The following CD8B2 variants were observed in gnomAD, a reference collection of about 807,000 sequenced individuals.
The protein encoded by CD8B2 is CD8B family member 2, also known as T-cell surface glycoprotein CD8 beta-2 chain.
In CD8B2, 11 loss-of-function variants were observed where a neutral mutation model predicts 23.7. The observed-to-expected ratio is 0.46, with a 90% CI of 0.29 to 0.77. CD8B2 has a LOEUF of 0.77. CD8B2 is among the 30% of genes least tolerant of loss of function. CD8B2 has a pLI of 0.09. For missense variants in CD8B2, 197 were observed against 270.5 expected (o/e 0.73, Z 1.91); for synonymous variants, 90 against 109.3 (o/e 0.82, Z 1.10).
intron 5 of CD8B2, among the ~76,000 whole-genome samples, chr2:106,528,020 C>T (rs919740423): frequency 2.0e-5 from 3 of 152,182 alleles, no homozygotes; most frequent in Admixed American, 6.5e-5. Context: ...GCTCAAGGAC[C>T]GCTAAACGTG....
At chr2:106,498,716 T>C (rs577177881) in intron 3 of CD8B2, among the ~76,000 whole-genome samples, 1 of 152,254 alleles carries the variant, frequency 6.6e-6, no homozygotes, top group South Asian at 2.1e-4. Flanking sequence ...TGATTCAGCC[T>C]CTGTGAACCT....
chr2:106,544,051 C>T (rs989254644), exon 6 of CD8B2: 3 of 398,558 alleles, frequency 7.5e-6, no homozygotes, highest in African/African-American at 4.1e-5. Flanking sequence ...GGGACTGGGA[C>T]TGCCTGATCC....
At chr2:106,517,874 G>A (rs529908774) in intron 5 of CD8B2, among the ~76,000 whole-genome samples, 16 of 152,080 alleles carry the variant, frequency 1.1e-4, no homozygotes, top group Non-Finnish European at 2.1e-4. Flanking sequence ...CACAACGCCC[G>A]GCTAATTTTT....
rs533771671 is a variant in CD8B2, at chr2:106,538,615, G to A, written c.621-5377G>A. 2.0e-5 allele frequency among the ~76,000 whole-genome samples: 3 copies of A among 152,208 alleles called. No homozygotes were observed. In the South Asian group the frequency reaches 6.2e-4, roughly 32 times the overall value. On this transcript the variant is annotated intron_variant, in intron 5 of 5. Transcript: ENST00000416057. ...AGCAGTGTCCTGAGTAGGAATTCCT[G>A]TCTGTAACACCCTTCCCCACCTCCT...
In CD8B2 at chr2:106,504,297, A is replaced by C; in HGVS notation, c.592A>C (p.Arg198=). ...TTGCTTTCCTCTTCCAGGCCGGCGG[A>C]GGAGAGCCCGGCTTCGTTTCATGAA... is the stretch of plus-strand genomic sequence containing the variant. ...GVAMHLCCRR[R]RARLRFMKQF... Residue 198 remains arginine, a synonymous_variant, in exon 5 of 6, where the codon AGG becomes CGG. Transcript: ENST00000643224. 1.9e-6 allele frequency: 3 copies of C among 1,555,678 alleles called. No homozygotes were observed. The South Asian group carries it at 3.6e-5, about 18-fold the overall frequency.
intron 3 of CD8B2, among the ~76,000 whole-genome samples, chr2:106,498,805 C>T (rs748584044): frequency 6.6e-6 from 1 of 152,118 alleles, no homozygotes; most frequent in Non-Finnish European, 1.5e-5. Context: ...GCTTGTGGGG[C>T]GTCCACACAG....
intron 5 of CD8B2, chr2:106,537,952 G>C (rs1680114775): frequency 6.6e-6 from 1 of 152,196 alleles, no homozygotes; most frequent in South Asian, 2.1e-4. Context: ...TAAATGAGAA[G>C]TCTCTGTGAG....
At chr2:106,537,329 AC>A (rs1283019713) in intron 5 of CD8B2, among the ~76,000 whole-genome samples, 1 of 152,144 alleles carries the variant, frequency 6.6e-6, no homozygotes, top group African/African-American at 2.4e-5. Flanking sequence ...CTAAACTTGC[AC>A]TTCCCTAGTA....
chr2:106,517,064 G>A (rs1418800703), intron 5 of CD8B2, among the ~76,000 whole-genome samples: 3 of 147,696 alleles, frequency 2.0e-5, no homozygotes, highest in African/African-American at 5.0e-5. Flanking sequence ...TTATATTATC[G>A]ATTTCATTAA....
chr2:106,524,848 C>A (rs1679886531), intron 5 of CD8B2, among the ~76,000 whole-genome samples: 1 of 152,150 alleles, frequency 6.6e-6, no homozygotes, highest in Non-Finnish European at 1.5e-5. Flanking sequence ...AAACTGGGTG[C>A]CTCTGCCCTA....
At chr2:106,537,427 G>C (rs145757518) in intron 5 of CD8B2, among the ~76,000 whole-genome samples, 1 of 152,014 alleles carries the variant, frequency 6.6e-6, no homozygotes, top group African/African-American at 2.4e-5. Context: ...AGAAAATTAT[G>C]GTTCAACGCC....
chr2:106,535,905 G>A lies in CD8B2; in HGVS notation c.621-8087G>A, dbSNP rs554693654. 1.1e-4 allele frequency among the ~76,000 whole-genome samples: 16 copies of A among 152,276 alleles called. No homozygotes were observed. In the South Asian group the frequency reaches 1.7e-3, roughly 16 times the overall value. The stretch of plus-strand genomic sequence containing the variant: ...TGCAGGCTGTGCAGGAAGCATAGAG[G>A]CTTCTGCTCTGCTCCTGGGGAGACC... On this transcript the variant is annotated intron_variant, in intron 5 of 5. Coordinates refer to the CD8B2 transcript ENST00000416057.
At chr2:106,528,133 G>A (rs1434619101) in intron 5 of CD8B2, among the ~76,000 whole-genome samples, 5 of 152,176 alleles carry the variant, frequency 3.3e-5, no homozygotes, top group Admixed American at 3.3e-4. Context: ...CATAAATATT[G>A]AACATATTTT....
At chr2:106,539,435 T>C (rs1451035159) in intron 5 of CD8B2, among the ~76,000 whole-genome samples, 1 of 152,236 alleles carries the variant, frequency 6.6e-6, no homozygotes, top group Non-Finnish European at 1.5e-5. Flanking sequence ...ATGTTTCTTG[T>C]TTCCACGCCA....
At chr2:106,514,489 A>G (rs1679694532), downstream of CD8B2, among the ~76,000 whole-genome samples, 1 of 151,410 alleles carries the variant, frequency 6.6e-6, no homozygotes, top group African/African-American at 2.4e-5. Context: ...GGGTTTCACC[A>G]CGTTGGTCAG....
chr2:106,539,057 C>G (rs149593206), intron 5 of CD8B2, among the ~76,000 whole-genome samples: 1 of 152,192 alleles, frequency 6.6e-6, no homozygotes, highest in Non-Finnish European at 1.5e-5. Flanking sequence ...CTGGTCACAG[C>G]GCAAGTGAAC....
intron 2 of CD8B2, among the ~76,000 whole-genome samples, chr2:106,493,624 T>C (rs1679238832): frequency 1.3e-5 from 2 of 152,192 alleles, no homozygotes; most frequent in African/African-American, 4.8e-5. Context: ...TCTCCGACCC[T>C]GCTGATGACA....
In CD8B2 at chr2:106,487,408, G is replaced by T; in HGVS notation, c.-19G>T. On this transcript the variant is annotated 5_prime_UTR_variant, in exon 1 of 6. Coordinates refer to ENST00000643224, the MANE Select transcript of CD8B2 (RefSeq NM_001349727.2). Reference sequence around the variant, plus strand: ...GTCTCCGCCGAGCCCCCGGGGCCAGGTGTCCCGGGCGCGCCCCGATGCGGC... The same window carrying T: ...GTCTCCGCCGAGCCCCCGGGGCCAGTTGTCCCGGGCGCGCCCCGATGCGGC... The T allele has an allele frequency of 8.1e-7, 1 of 1,233,080 alleles. No individual in the cohort carries two copies. Among genetic ancestry groups the T allele is most frequent in the Non-Finnish European group, 1.0e-6 (1 of 987,336 alleles). 76.4% of individuals were successfully genotyped at this position (1,233,080 alleles called of 1,614,324 possible).
chr2:106,536,265 C>G (rs1056128086), intron 5 of CD8B2, among the ~76,000 whole-genome samples: 2 of 152,112 alleles, frequency 1.3e-5, no homozygotes, highest in Non-Finnish European at 2.9e-5. Context: ...CTCCTGACTT[C>G]AGGTGATCCG....
Sources: allele counts gnomAD v4.1 joint callset (sites outside exome capture counted in the v4.1 genomes callset), GRCh38; gene constraint gnomAD v4.1.1; transcripts MANE v1.5; gene names NCBI Gene and HGNC (gene_info 2026-07-23, HGNC 2026-07-21).